Variants in ANGPT1 observed in about 807,000 individuals in gnomAD.
The protein encoded by ANGPT1 is angiopoietin-1.
ANGPT1 carries 17 observed loss-of-function variants against 62.2 expected under a neutral mutation model. The ratio of observed to expected loss-of-function variants is 0.27; its 90% confidence interval spans 0.19 to 0.41. The LOEUF is 0.41. Among genes scored for constraint, ANGPT1 ranks in the 10% least tolerant of loss-of-function variants. The pLI, the probability that ANGPT1 is intolerant of heterozygous loss-of-function variation, is 1.00. For synonymous variants in ANGPT1, 199 were observed against 198.9 expected (o/e 1.00, Z 0.00); for missense variants, 478 against 594.9 (o/e 0.80, Z 2.04).
intron 3 of ANGPT1, among the ~76,000 whole-genome samples, chr8:107,322,519 C>T (rs1020405125): frequency 2.0e-5 from 3 of 152,074 alleles, no homozygotes; most frequent in Admixed American, 6.5e-5. Context: ...ACAAACAACA[C>T]GTAGAAACTA....
At position 107,481,022 on chromosome 8, in the gene ANGPT1, G is replaced by C. The variant is rs891191344; in HGVS notation, c.297+16240C>G. Among the ~76,000 whole-genome samples, 7 of 152,144 alleles carry C rather than the reference G, an allele frequency of 4.6e-5. No individual in the cohort carries two copies. The South Asian group carries it at 1.4e-3, about 31-fold the overall frequency. ...GGAGGACCAAAGAACCATAACATCT[G>C]CTTATTATGAGAGTGTTTTGAGAAA... On this transcript the variant is annotated intron_variant, in intron 1 of 8. Coordinates refer to ENST00000517746, the MANE Select transcript of ANGPT1 (RefSeq NM_001146.5).
chr8:107,396,041 A>T (rs901923375), intron 1 of ANGPT1, among the ~76,000 whole-genome samples: 12 of 152,212 alleles, frequency 7.9e-5, no homozygotes, highest in Non-Finnish European at 1.6e-4. Flanking sequence ...TGAATGGTAA[A>T]GAGAAAAGCT....
intron 1 of ANGPT1, among the ~76,000 whole-genome samples, chr8:107,482,819 CTTAAAGA>C (rs1812722936): frequency 6.6e-6 from 1 of 151,982 alleles, no homozygotes; most frequent in Admixed American, 6.6e-5. Context: ...CTCGATCTTC[CTTAAAGA>C]TTCCAGAACA....
chr8:107,466,884 C>A (rs569064400), intron 1 of ANGPT1, among the ~76,000 whole-genome samples: 1 of 152,124 alleles, frequency 6.6e-6, no homozygotes, highest in Admixed American at 6.6e-5. Context: ...TGCACTCCAG[C>A]CTGGGCAACA....
intron 1 of ANGPT1, among the ~76,000 whole-genome samples, chr8:107,458,276 C>T (rs760910533): frequency 6.6e-6 from 1 of 151,992 alleles, no homozygotes; most frequent in Non-Finnish European, 1.5e-5. Flanking sequence ...TTTCAGATTC[C>T]AATAGTTGCT....
At chr8:107,306,088 G>C (rs1281580016) in intron 4 of ANGPT1, among the ~76,000 whole-genome samples, 1 of 152,006 alleles carries the variant, frequency 6.6e-6, no homozygotes, top group Non-Finnish European at 1.5e-5. Context: ...AGCATAATAA[G>C]TACTCAAGAA....
chr8:107,463,546 C>T (rs1197126816), intron 1 of ANGPT1, among the ~76,000 whole-genome samples: 2 of 152,090 alleles, frequency 1.3e-5, no homozygotes, highest in East Asian at 3.9e-4. Context: ...CAACATCTTT[C>T]CAACAGTAAC....
At chr8:107,370,356 G>T (rs1361672915) in intron 1 of ANGPT1, among the ~76,000 whole-genome samples, 2 of 26,618 alleles carry the variant, frequency 7.5e-5, no homozygotes, top group Non-Finnish European at 2.6e-4. Context: ...AAGAAAGAAA[G>T]AAAGAAAGAA....
intron 5 of ANGPT1, among the ~76,000 whole-genome samples, chr8:107,302,671 T>G (rs756589157): frequency 2.6e-5 from 4 of 151,948 alleles, no homozygotes; most frequent in Non-Finnish European, 5.9e-5. Context: ...AGATAATGTT[T>G]GCTTACTCCA....
At chr8:107,328,876 ATCAC>A (rs1466247719) in intron 3 of ANGPT1, among the ~76,000 whole-genome samples, 1 of 151,926 alleles carries the variant, frequency 6.6e-6, no homozygotes, top group African/African-American at 2.4e-5. Flanking sequence ...AAATTATCAC[ATCAC>A]TAATTATAGT....
intron 1 of ANGPT1, among the ~76,000 whole-genome samples, chr8:107,364,054 A>G (rs1373578769): frequency 2.6e-5 from 4 of 152,160 alleles, no homozygotes; most frequent in Non-Finnish European, 5.9e-5. Context: ...CAGGCTGGCC[A>G]TAAAGTCTAT....
At chr8:107,378,308 A>G (rs541465686) in intron 1 of ANGPT1, among the ~76,000 whole-genome samples, 1 of 152,194 alleles carries the variant, frequency 6.6e-6, no homozygotes, top group Non-Finnish European at 1.5e-5. Flanking sequence ...ATTTTTCAAA[A>G]AAGAAGCAAG....
chr8:107,267,813 A>T (rs118106323), intron 7 of ANGPT1, among the ~76,000 whole-genome samples: 6,201 of 150,778 alleles, frequency 0.041, 172 homozygotes, highest in Non-Finnish European at 0.062. Flanking sequence ...ATATCTTGTT[A>T]TTTTCTGCAC....
At chr8:107,457,513 T>C (rs1811949537) in intron 1 of ANGPT1, among the ~76,000 whole-genome samples, 1 of 151,868 alleles carries the variant, frequency 6.6e-6, no homozygotes, top group Non-Finnish European at 1.5e-5. Context: ...AGGTGAAAAT[T>C]GAACCTAAAC....
intron 1 of ANGPT1, among the ~76,000 whole-genome samples, chr8:107,465,160 A>G (rs1225606104): frequency 1.3e-5 from 2 of 152,170 alleles, no homozygotes; most frequent in Non-Finnish European, 2.9e-5. Flanking sequence ...TACAGAAGTA[A>G]GAATTCAGAA....
intron 1 of ANGPT1, among the ~76,000 whole-genome samples, chr8:107,469,839 G>A (rs1161035164): frequency 6.6e-6 from 1 of 151,972 alleles, no homozygotes; most frequent in Admixed American, 6.6e-5. Context: ...TTTGTCATGA[G>A]TTACCAAGCA....
chr8:107,302,566 T>C (rs1407841981), intron 5 of ANGPT1, among the ~76,000 whole-genome samples: 1 of 151,956 alleles, frequency 6.6e-6, no homozygotes, highest in African/African-American at 2.4e-5. Flanking sequence ...AACAAATGCA[T>C]GATATCCACT....
chr8:107,333,630 A>G, intron 3 of ANGPT1, among the ~76,000 whole-genome samples: 1 of 152,092 alleles, frequency 6.6e-6, no homozygotes, highest in East Asian at 1.9e-4. Flanking sequence ...GAAGGCACAA[A>G]TATGTTTGGG....
In ANGPT1 at chr8:107,284,802, A is replaced by C; in HGVS notation, c.1085T>G (p.Ile362Ser). The part of the protein sequence containing the change: ...SGEYWLGNEF[I>S]FAITSQRQYM... Reference sequence around the variant, plus strand: ...CTGCCTCTGACTGGTAATGGCAAAAATAAACTCATTCCCCAGCCAATATTC... The same window carrying C: ...CTGCCTCTGACTGGTAATGGCAAAACTAAACTCATTCCCCAGCCAATATTC... Residue 362 changes from isoleucine to serine, a missense_variant, in exon 7 of 9, where the codon ATT becomes AGT. Ile to Ser is a moderately radical substitution (Grantham distance 142, BLOSUM62 -2). This residue lies in a region of ANGPT1 where 81 missense variants were observed against 117.1 expected (regional missense o/e 0.69). Coordinates refer to ENST00000517746, the MANE Select transcript of ANGPT1 (RefSeq NM_001146.5). 6.2e-7 allele frequency: 1 copy of C among 1,609,692 alleles called. No homozygotes were observed. Among genetic ancestry groups the C allele is most frequent in the Non-Finnish European group, 8.5e-7 (1 of 1,177,090 alleles).
Sources: allele counts gnomAD v4.1 joint callset (sites outside exome capture counted in the v4.1 genomes callset), GRCh38; gene constraint gnomAD v4.1.1; regional missense constraint gnomAD v4.1.1; transcripts MANE v1.5; gene names NCBI Gene and HGNC (gene_info 2026-07-23, HGNC 2026-07-21).